Variants in THSD7B observed in about 807,000 individuals in gnomAD.
THSD7B encodes thrombospondin type 1 domain containing 7B.
THSD7B carries 138 observed loss-of-function variants against 213.6 expected under a neutral mutation model. The ratio of observed to expected loss-of-function variants is 0.65; its 90% CI spans 0.56 to 0.74. THSD7B has a LOEUF of 0.74. THSD7B is among the 30% of genes least tolerant of loss of function. THSD7B has a pLI of 0.00. For missense variants in THSD7B, 1,931 were observed against 1,991.5 expected (o/e 0.97, Z 0.58); for synonymous variants, 742 against 687.0 (o/e 1.08, Z -1.25).
chr2:137,588,285 G>A (rs1046453660), intron 17 of THSD7B, among the ~76,000 whole-genome samples: 4 of 152,138 alleles, frequency 2.6e-5, no homozygotes, highest in Non-Finnish European at 4.4e-5. Flanking sequence ...TGCTTCCCAG[G>A]TGAGGTGATG....
intron 3 of THSD7B, among the ~76,000 whole-genome samples, chr2:137,072,711 G>T (rs1455106336): frequency 6.6e-6 from 1 of 152,126 alleles, no homozygotes. Flanking sequence ...TCCAGTTTTT[G>T]CCCATTCAGT....
intron 1 of THSD7B, among the ~76,000 whole-genome samples, chr2:136,804,362 G>T (rs1223475442): frequency 6.6e-6 from 1 of 150,796 alleles, no homozygotes; most frequent in Non-Finnish European, 1.5e-5. Context: ...TAGCACCAAT[G>T]CATTAAGTGA....
intron 2 of THSD7B, among the ~76,000 whole-genome samples, chr2:136,958,195 A>T (rs912102021): frequency 1.3e-5 from 2 of 152,216 alleles, no homozygotes; most frequent in Admixed American, 1.3e-4. Flanking sequence ...TACTAGAAAC[A>T]CATTTATTTA....
intron 5 of THSD7B, among the ~76,000 whole-genome samples, chr2:137,124,081 C>G (rs1171621746): frequency 1.3e-5 from 2 of 152,206 alleles, no homozygotes; most frequent in African/African-American, 4.8e-5. Context: ...TACACCTGCA[C>G]TTCATTAATG....
At chr2:136,827,065 A>G (rs543723459) in intron 1 of THSD7B, among the ~76,000 whole-genome samples, 1 of 152,350 alleles carries the variant, frequency 6.6e-6, no homozygotes, top group South Asian at 2.1e-4. Context: ...ACAGATTAAC[A>G]TAGTTACTAT....
intron 27 of THSD7B, among the ~76,000 whole-genome samples, chr2:137,675,009 AC>A (rs1683664646): frequency 1.3e-5 from 2 of 152,110 alleles, no homozygotes; most frequent in African/African-American, 4.8e-5. Flanking sequence ...AATTTTATCA[AC>A]TTTTTATTGC....
chr2:137,015,416 A>G (rs1188754963), intron 2 of THSD7B, among the ~76,000 whole-genome samples: 1 of 152,050 alleles, frequency 6.6e-6, no homozygotes, highest in Non-Finnish European at 1.5e-5. Flanking sequence ...ACGTGTCCTC[A>G]GGGGTTATTG....
chr2:137,479,628 C>CT (rs1688260422), intron 15 of THSD7B: 2 of 194,456 alleles, frequency 1.0e-5, no homozygotes, highest in African/African-American at 4.7e-5. Context: ...AGTACAGAAG[C>CT]TAAGATTCTC....
At position 137,130,187 on chromosome 2, in the gene THSD7B, G is replaced by A. The variant is rs182854909; in HGVS notation, c.1369+14894G>A. Among the ~76,000 whole-genome samples, 51 of 152,134 alleles carry A rather than the reference G, an allele frequency of 3.4e-4. No individual in the cohort carries two copies. The East Asian group carries it at 8.5e-3, about 25-fold the overall frequency. On this transcript the variant is annotated intron_variant, in intron 5 of 27. Coordinates refer to ENST00000409968, the MANE Select transcript of THSD7B (RefSeq NM_001316349.2). ...CAATACCCAGATGAAGTGGATTTAC[G>A]GCCAGATGAGGTGGATTTAAAAGGC...
chr2:137,194,670 A>G (rs1423565338), intron 7 of THSD7B, among the ~76,000 whole-genome samples: 1 of 152,072 alleles, frequency 6.6e-6, no homozygotes, highest in Non-Finnish European at 1.5e-5. Flanking sequence ...GATTATTCCT[A>G]TTCTATCTTT....
intron 1 of THSD7B, among the ~76,000 whole-genome samples, chr2:136,860,095 A>G (rs1474852082): frequency 1.4e-5 from 2 of 144,346 alleles, no homozygotes; most frequent in African/African-American, 2.6e-5. Context: ...TCGGCGCACT[A>G]CAAGCTCTGC....
chr2:137,663,978 A>G (rs956225817), intron 26 of THSD7B, among the ~76,000 whole-genome samples: 18 of 151,948 alleles, frequency 1.2e-4, no homozygotes, highest in Non-Finnish European at 1.9e-4. Flanking sequence ...TAGCCTCCAG[A>G]GTAGCTGGGA....
At chr2:136,780,717 CAG>C (rs1455160448) in intron 1 of THSD7B, among the ~76,000 whole-genome samples, 7 of 152,190 alleles carry the variant, frequency 4.6e-5, no homozygotes, top group Admixed American at 6.5e-5. Flanking sequence ...AATTTTTGAA[CAG>C]AGTGTTTAAA....
chr2:137,621,929 G>A (rs1370618250), intron 20 of THSD7B, among the ~76,000 whole-genome samples: 1 of 152,152 alleles, frequency 6.6e-6, no homozygotes, highest in Admixed American at 6.6e-5. Context: ...TGTTCGTAAA[G>A]AGATCACATC....
intron 2 of THSD7B, among the ~76,000 whole-genome samples, chr2:136,940,738 A>AT (rs1310333521): frequency 1.4e-5 from 2 of 140,736 alleles, no homozygotes; most frequent in African/African-American, 5.3e-5. Flanking sequence ...ATATATATAT[A>AT]TATATTTTTT....
Position 136,841,391 on chromosome 2 carries a change from T to C in THSD7B, c.-35-40753T>C, listed in dbSNP as rs1033533848. On this transcript the variant is annotated intron_variant, in intron 1 of 27. Coordinates refer to ENST00000409968, the MANE Select transcript of THSD7B (RefSeq NM_001316349.2). The stretch of plus-strand genomic sequence containing the variant: ...CAGGCGGATCACAATGTCAAGAGAT[T>C]GAGACCATCCTGGCCAACATGGTGA... 4.6e-5 allele frequency among the ~76,000 whole-genome samples: 7 copies of C among 151,698 alleles called. No individual in the cohort carries two copies. In the East Asian group the frequency reaches 1.4e-3, roughly 29 times the overall value.
chr2:137,065,042 T>A (rs187123650), intron 3 of THSD7B, among the ~76,000 whole-genome samples: 80 of 152,128 alleles, frequency 5.3e-4, no homozygotes, highest in Non-Finnish European at 9.4e-4. Context: ...GTTTTTGCGA[T>A]TTCTGTGAAA....
chr2:137,108,176 T>G (rs895994769), intron 4 of THSD7B, among the ~76,000 whole-genome samples: 1 of 152,226 alleles, frequency 6.6e-6, no homozygotes, highest in Non-Finnish European at 1.5e-5. Context: ...CTGTCATCAT[T>G]AAATCACTTA....
At chr2:137,442,240 A>G (rs1273125426) in intron 14 of THSD7B, among the ~76,000 whole-genome samples, 3 of 152,244 alleles carry the variant, frequency 2.0e-5, no homozygotes, top group African/African-American at 7.2e-5. Flanking sequence ...GCAAAGTCAC[A>G]TCCTCATTTG....
Sources: gnomAD v4.1 joint callset for allele counts (sites outside exome capture counted in the v4.1 genomes callset) on GRCh38, gnomAD v4.1.1 for gene constraint, MANE v1.5 for transcripts, NCBI Gene and HGNC (gene_info 2026-07-23, HGNC 2026-07-21) for gene names.